The following WIPF1 variants were observed in gnomAD, a reference collection of about 807,000 sequenced individuals.
The protein encoded by WIPF1 is WAS/WASL-interacting protein family member 1.
Under a neutral mutation model 35.4 loss-of-function variants are expected in WIPF1, and 13 were observed. The ratio of observed to expected loss-of-function variants is 0.37; its 90% CI spans 0.24 to 0.58. The LOEUF is 0.58. WIPF1 is among the 20% of genes least tolerant of loss of function. The probability of loss-of-function intolerance (pLI) is 0.74; values close to 1 mark genes in which losing one functional copy is unlikely to be tolerated. For missense variants in WIPF1, 591 were observed against 667.0 expected (o/e 0.89, Z 1.25); for synonymous variants, 267 against 266.3 (o/e 1.00, Z -0.02).
At chr2:174,673,339 G>A (rs1478686387) in intron 1 of WIPF1, 1 of 152,246 alleles carries the variant, frequency 6.6e-6, no homozygotes, top group Non-Finnish European at 1.5e-5. Context: ...TGGGGACTCA[G>A]GGTCTAGAGA....
chr2:174,646,721 A>C (rs1432107481), intron 1 of WIPF1, among the ~76,000 whole-genome samples: 1 of 152,036 alleles, frequency 6.6e-6, no homozygotes, highest in Admixed American at 6.5e-5. Flanking sequence ...GGCTCAAGCA[A>C]TCCCACCTCA....
chr2:174,603,831 GAGAGAC>G (rs1282066026), intron 1 of WIPF1, among the ~76,000 whole-genome samples: 1 of 152,140 alleles, frequency 6.6e-6, no homozygotes, highest in Non-Finnish European at 1.5e-5. Context: ...TCATAATCCT[GAGAGAC>G]ACAATTCCAA....
At chr2:174,641,921 C>T (rs967808065) in intron 1 of WIPF1, among the ~76,000 whole-genome samples, 6 of 152,202 alleles carry the variant, frequency 3.9e-5, no homozygotes, top group African/African-American at 1.4e-4. Flanking sequence ...ACGTGGTTAA[C>T]TAACCTCTCC....
At chr2:174,668,179 T>C (rs1270754311) in intron 1 of WIPF1, among the ~76,000 whole-genome samples, 2 of 152,198 alleles carry the variant, frequency 1.3e-5, no homozygotes, top group Non-Finnish European at 2.9e-5. Context: ...AAATCATCTA[T>C]GGAACATTTT....
intron 3 of WIPF1, among the ~76,000 whole-genome samples, chr2:174,579,396 T>C (rs948523182): frequency 1.3e-5 from 2 of 152,252 alleles, no homozygotes; most frequent in African/African-American, 4.8e-5. Context: ...TTTTCAGTAA[T>C]TAAACTGTAG....
At chr2:174,649,530 C>T (rs1211024690) in intron 1 of WIPF1, among the ~76,000 whole-genome samples, 1 of 152,142 alleles carries the variant, frequency 6.6e-6, no homozygotes, top group Non-Finnish European at 1.5e-5. Context: ...TTCAAACTAG[C>T]CAACCCTAAA....
chr2:174,613,593 G>C (rs1348474312), intron 1 of WIPF1, among the ~76,000 whole-genome samples: 1 of 152,178 alleles, frequency 6.6e-6, no homozygotes, highest in Non-Finnish European at 1.5e-5. Flanking sequence ...CAGATGCTTT[G>C]AGATGAAGTG....
intron 1 of WIPF1, among the ~76,000 whole-genome samples, chr2:174,654,991 A>G (rs1390691725): frequency 6.6e-6 from 1 of 152,156 alleles, no homozygotes; most frequent in Non-Finnish European, 1.5e-5. Context: ...GTGGCAGACC[A>G]CTGAATTCAA....
rs1399820519 is a variant in WIPF1 at position 174,562,576 on chromosome 2, C to T, written c.1483G>A (p.Ala495Thr). ...CTCGGGATGGGAGGGAGTGGTGGAG[C>T]ACCCCTTTCTCTTCGGTTGGATCCA... ...RSGSNRRERGAPPLPPIPR is the reference protein window; with the variant it reads ...RSGSNRRERGTPPLPPIPR The change falls in exon 8 of 8, where the codon GCT becomes ACT. Residue 495 changes from alanine (A) to threonine (T), a missense_variant. This residue lies in a region of WIPF1 where 117 missense variants were observed against 149.6 expected (regional missense o/e 0.78). Coordinates refer to ENST00000679041, the MANE Select transcript of WIPF1 (RefSeq NM_001375834.1). 1.2e-6 allele frequency: 2 copies of T among 1,614,160 alleles called. No individual in the cohort carries two copies. Among genetic ancestry groups the T allele is most frequent in the East Asian group, 2.2e-5 (1 of 44,884 alleles).
At chr2:174,664,298 G>C (rs150512218) in intron 1 of WIPF1, among the ~76,000 whole-genome samples, 1 of 152,174 alleles carries the variant, frequency 6.6e-6, no homozygotes, top group African/African-American at 2.4e-5. Context: ...GGAGGAGCTC[G>C]TTCACTCTCT....
chr2:174,658,386 T>C (rs898923355), intron 1 of WIPF1, among the ~76,000 whole-genome samples: 6 of 152,128 alleles, frequency 3.9e-5, no homozygotes, highest in African/African-American at 1.4e-4. Context: ...AGTAGATGAA[T>C]GATAAAAGTG....
At chr2:174,569,061 T>C (rs1684753021) in intron 5 of WIPF1, among the ~76,000 whole-genome samples, 2 of 152,190 alleles carry the variant, frequency 1.3e-5, no homozygotes, top group South Asian at 4.1e-4. Flanking sequence ...CCAATGTAAA[T>C]CAAAATGGCC....
intron 1 of WIPF1, among the ~76,000 whole-genome samples, chr2:174,639,885 T>C (rs1011926411): frequency 2.6e-5 from 4 of 152,208 alleles, no homozygotes; most frequent in Admixed American, 6.5e-5. Flanking sequence ...GATTTTTGTA[T>C]ATGATGAAAG....
chr2:174,660,905 C>T (rs548223414), intron 1 of WIPF1, among the ~76,000 whole-genome samples: 20 of 152,214 alleles, frequency 1.3e-4, no homozygotes, highest in African/African-American at 1.9e-4. Context: ...ACTGTTATTA[C>T]GATCACGCAA....
chr2:174,571,710 G>C lies in WIPF1; in HGVS notation c.1095C>G (p.Pro365=). The change falls in exon 5 of 8, where the codon CCC becomes CCG. Residue 365 remains proline (P), a synonymous_variant. Transcript: ENST00000679041. This position sits in a 1 kb window ranked among gnomAD's most constrained non-coding sequence, Gnocchi z 4.6. The part of the protein sequence containing the change: ...GPLPPPPSER[P]PPPVRDPPGR... ...CTGGCGGGTCCCTCACTGGAGGTGG[G>C]GGTCTCTCACTGGGCGGGGGAGGAA... The C allele has an allele frequency of 3.1e-6, 5 of 1,614,132 alleles. No homozygotes were observed. The highest frequency in any genetic ancestry group is 3.4e-6 in the Non-Finnish European group (4 of 1,180,030).
intron 5 of WIPF1, among the ~76,000 whole-genome samples, chr2:174,569,469 A>G (rs1230849070): frequency 6.6e-6 from 1 of 151,976 alleles, no homozygotes; most frequent in Non-Finnish European, 1.5e-5. Flanking sequence ...ACTACATGCA[A>G]ACTCAACTTC....
intron 1 of WIPF1, among the ~76,000 whole-genome samples, chr2:174,669,143 C>A (rs1431676838): frequency 6.6e-6 from 1 of 152,208 alleles, no homozygotes; most frequent in Non-Finnish European, 1.5e-5. Flanking sequence ...AGGAATAATT[C>A]ATCCCTGACT....
chr2:174,663,249 T>C (rs1261535165), intron 1 of WIPF1, among the ~76,000 whole-genome samples: 4 of 152,158 alleles, frequency 2.6e-5, no homozygotes, highest in Non-Finnish European at 4.4e-5. Flanking sequence ...GCCTCCAGTT[T>C]ACAAGTTACC....
chr2:174,604,296 A>T (rs1417978068), intron 1 of WIPF1, among the ~76,000 whole-genome samples: 4 of 152,256 alleles, frequency 2.6e-5, no homozygotes, highest in African/African-American at 9.6e-5. Flanking sequence ...CAAAGAGCTG[A>T]GATCTCAAGA....
Sources: allele counts gnomAD v4.1 joint callset (sites outside exome capture counted in the v4.1 genomes callset), GRCh38; gene constraint gnomAD v4.1.1; regional missense constraint gnomAD v4.1.1; non-coding constraint Gnocchi (gnomAD v3.1); transcripts MANE v1.5; gene names NCBI Gene and HGNC (gene_info 2026-07-23, HGNC 2026-07-21).